The following BANK1 variants were observed in gnomAD, a reference collection of about 807,000 sequenced individuals.
BANK1 encodes B cell scaffold protein with ankyrin repeats 1.
Under a neutral mutation model 94.5 loss-of-function variants are expected in BANK1, and 95 were observed. The ratio of observed to expected loss-of-function variants is 1.00; its 90% CI spans 0.85 to 1.19. The LOEUF (loss-of-function observed/expected upper bound fraction) is 1.19, where lower values mean the gene tolerates loss of function less well. BANK1 is among the 50% of genes most tolerant of loss of function. BANK1 has a pLI of 0.00. For missense variants in BANK1, 987 were observed against 932.2 expected (o/e 1.06, Z -0.77); for synonymous variants, 334 against 308.4 (o/e 1.08, Z -0.87).
intron 7 of BANK1, among the ~76,000 whole-genome samples, chr4:101,927,633 G>A (rs1051205570): frequency 4.0e-5 from 6 of 151,608 alleles, no homozygotes; most frequent in African/African-American, 1.2e-4. Context: ...TTTAGTATAG[G>A]CAATGGAATT....
chr4:102,014,107 T>G (rs1334573675), intron 7 of BANK1, among the ~76,000 whole-genome samples: 1 of 152,082 alleles, frequency 6.6e-6, no homozygotes, highest in Non-Finnish European at 1.5e-5. Flanking sequence ...TCTCAAACTC[T>G]TAACCTATAC....
chr4:102,013,200 G>A (rs547627912), intron 7 of BANK1, among the ~76,000 whole-genome samples: 6 of 152,176 alleles, frequency 3.9e-5, no homozygotes, highest in East Asian at 3.9e-4. Flanking sequence ...TTATAGATTC[G>A]TGTATTGAGC....
At chr4:102,056,079 A>C (rs978703909) in intron 11 of BANK1, among the ~76,000 whole-genome samples, 1 of 152,188 alleles carries the variant, frequency 6.6e-6, no homozygotes, top group Non-Finnish European at 1.5e-5. Context: ...AAAGGTTTAG[A>C]TTATAAAATT....
At chr4:101,819,490 A>G (rs1726056397) in intron 1 of BANK1, among the ~76,000 whole-genome samples, 1 of 152,176 alleles carries the variant, frequency 6.6e-6, no homozygotes, top group Non-Finnish European at 1.5e-5. Context: ...TTCATAGGCT[A>G]TACATTTCAG....
intron 5 of BANK1, among the ~76,000 whole-genome samples, chr4:101,879,422 C>T (rs775534323): frequency 2.0e-5 from 3 of 151,990 alleles, no homozygotes; most frequent in Non-Finnish European, 2.9e-5. Context: ...AAAACCTTAA[C>T]AGACCAATAA....
intron 13 of BANK1, among the ~76,000 whole-genome samples, chr4:102,066,361 A>G (rs921471234): frequency 1.3e-5 from 2 of 150,002 alleles, no homozygotes; most frequent in African/African-American, 4.9e-5. Context: ...GGATCACGCT[A>G]TTCTCCTGCC....
intron 6 of BANK1, among the ~76,000 whole-genome samples, chr4:101,914,925 C>T (rs986182468): frequency 9.2e-5 from 14 of 152,220 alleles, no homozygotes; most frequent in South Asian, 4.1e-4. Flanking sequence ...GCAAACAGGA[C>T]ATTTGTTTAC....
At chr4:101,809,380 A>G (rs1223371114) in intron 1 of BANK1, among the ~76,000 whole-genome samples, 1 of 152,158 alleles carries the variant, frequency 6.6e-6, no homozygotes, top group Admixed American at 6.5e-5. Context: ...ATAAAAGACT[A>G]CATATTAGGT....
At chr4:101,898,433 C>A (rs1722164672) in intron 6 of BANK1, among the ~76,000 whole-genome samples, 1 of 151,914 alleles carries the variant, frequency 6.6e-6, no homozygotes, top group African/African-American at 2.4e-5. Context: ...CAGGTGTTAC[C>A]CCAGGTATCT....
At chr4:101,887,172 T>C (rs1422696831) in intron 5 of BANK1, among the ~76,000 whole-genome samples, 1 of 152,194 alleles carries the variant, frequency 6.6e-6, no homozygotes, top group Non-Finnish European at 1.5e-5. Context: ...TCTTGTACCA[T>C]GAAGATGATA....
At chr4:101,812,245 CTG>C (rs1725753270) in intron 1 of BANK1, among the ~76,000 whole-genome samples, 1 of 151,748 alleles carries the variant, frequency 6.6e-6, no homozygotes, top group South Asian at 2.1e-4. Flanking sequence ...AAAGAATAAA[CTG>C]TATCTTTAAT....
At chr4:101,881,831 C>T (rs974256382) in intron 5 of BANK1, among the ~76,000 whole-genome samples, 4 of 151,830 alleles carry the variant, frequency 2.6e-5, no homozygotes, top group Non-Finnish European at 2.9e-5. Flanking sequence ...AGACAAACAT[C>T]GCATGTTCTC....
rs143844374 is a variant in BANK1 at position 102,052,407 on chromosome 4, C to T, written c.1970-7804C>T. ...CTGGGATTACAGGCATGAGCCACCACGCCAGAAGGATTAAAGATGAGAACA... is the reference window on the plus strand; with the variant it reads ...CTGGGATTACAGGCATGAGCCACCATGCCAGAAGGATTAAAGATGAGAACA... On this transcript the variant is annotated intron_variant, in intron 11 of 16. Transcript: ENST00000322953. Among the ~76,000 whole-genome samples, 266 of 151,972 alleles carry T rather than the reference C, an allele frequency of 1.8e-3. 2 individuals carry two copies. The highest frequency in any genetic ancestry group is 5.7e-3 in the African/African-American group (236 of 41,442).
chr4:102,001,269 A>G (rs1726059908), intron 7 of BANK1, among the ~76,000 whole-genome samples: 1 of 152,224 alleles, frequency 6.6e-6, no homozygotes, highest in Admixed American at 6.5e-5. Context: ...AAGAAAGCCC[A>G]AAGTGTTTTA....
At chr4:102,000,693 T>G (rs1004656817) in intron 7 of BANK1, among the ~76,000 whole-genome samples, 5 of 152,144 alleles carry the variant, frequency 3.3e-5, no homozygotes, top group Admixed American at 3.3e-4. Flanking sequence ...AAACTAGCAA[T>G]GTAGTAATGG....
intron 7 of BANK1, among the ~76,000 whole-genome samples, chr4:101,943,571 G>T (rs1451827112): frequency 6.6e-6 from 1 of 151,764 alleles, no homozygotes; most frequent in African/African-American, 2.4e-5. Flanking sequence ...GTGAATGAAG[G>T]GGAAGGAGGA....
chr4:101,972,383 C>T (rs1412402601), intron 7 of BANK1: 2 of 151,978 alleles, frequency 1.3e-5, no homozygotes, highest in African/African-American at 4.8e-5. Flanking sequence ...TTGTATCCTG[C>T]AACTTTACTG....
At chr4:102,056,880 C>G (rs930120279) in intron 11 of BANK1, among the ~76,000 whole-genome samples, 6 of 152,136 alleles carry the variant, frequency 3.9e-5, no homozygotes, top group African/African-American at 1.4e-4. Flanking sequence ...GTGGCGCACG[C>G]CTGTAATCCC....
intron 7 of BANK1, among the ~76,000 whole-genome samples, chr4:102,005,564 G>T (rs541402496): frequency 6.6e-6 from 1 of 152,030 alleles, no homozygotes; most frequent in African/African-American, 2.4e-5. Flanking sequence ...ACTGGTTAGC[G>T]CATTGTTAGA....
Sources: gnomAD v4.1 joint callset for allele counts (sites outside exome capture counted in the v4.1 genomes callset) on GRCh38, gnomAD v4.1.1 for gene constraint, MANE v1.5 for transcripts, NCBI Gene and HGNC (gene_info 2026-07-23, HGNC 2026-07-21) for gene names.